The following MCC variants were observed in gnomAD, a reference collection of about 807,000 sequenced individuals.
MCC encodes the protein colorectal mutant cancer protein.
Under a neutral mutation model 116.2 loss-of-function variants are expected in MCC, and 90 were observed. The ratio of observed to expected loss-of-function variants is 0.77; its 90% CI spans 0.65 to 0.92. MCC has a LOEUF of 0.92. Among genes scored for constraint, MCC ranks in the 40% least tolerant of loss-of-function variants. The pLI, the probability that MCC is intolerant of heterozygous loss-of-function variation, is 0.00. For missense variants in MCC, 1,516 were observed against 1,312.2 expected, an observed-to-expected ratio of 1.16 and a Z score of -2.40; for synonymous variants, 578 against 510.5, an observed-to-expected ratio of 1.13 and a Z score of -1.78.
At chr5:113,068,282 C>CCT in intron 12 of MCC, 99 bp from the exon 13 acceptor site, 1 of 823,596 alleles carries the variant, frequency 1.2e-6, no homozygotes, top group Non-Finnish European at 2.0e-6. Context: ...GGTGCTGTCT[C>CCT]GGCCTCACTC....
chr5:113,439,793 T>C (rs1770977317), intron 1 of MCC, among the ~76,000 whole-genome samples: 1 of 152,234 alleles, frequency 6.6e-6, no homozygotes, highest in African/African-American at 2.4e-5. Context: ...TAATGATATA[T>C]AATACTTAGC....
chr5:113,184,496 T>C (rs1321155977), intron 3 of MCC, among the ~76,000 whole-genome samples: 1 of 148,686 alleles, frequency 6.7e-6, no homozygotes, highest in East Asian at 1.9e-4. Context: ...TTTTTTTTTT[T>C]TGGAGACAGA....
At chr5:113,190,842 A>G (rs1473120249) in intron 3 of MCC, among the ~76,000 whole-genome samples, 2 of 152,220 alleles carry the variant, frequency 1.3e-5, no homozygotes, top group East Asian at 3.9e-4. Flanking sequence ...GAGGCAGAGA[A>G]AAATAAATGT....
chr5:113,401,517 T>TGG, intron 1 of MCC, among the ~76,000 whole-genome samples: 1 of 152,198 alleles, frequency 6.6e-6, no homozygotes, highest in East Asian at 1.9e-4. Context: ...CTCTGTCCCT[T>TGG]GGTCCCATTG....
At position 113,488,321 on chromosome 5, in the gene MCC, A is replaced by G; in HGVS notation, c.94T>C (p.Ser32Pro). 6.4e-7 allele frequency: 1 copy of G among 1,558,222 alleles called. No individual in the cohort carries two copies. Among genetic ancestry groups the G allele is most frequent in the Non-Finnish European group, 8.7e-7 (1 of 1,154,800 alleles). The part of the protein sequence containing the change: ...SGSSSSSSDT[S>P]STGEEERMRR... The stretch of plus-strand genomic sequence containing the variant: ...ATCCTCTCCTCCTCGCCGGTGCTGG[A>G]CGTGTCGCTGCTGCTGCTGCTGCTG... Residue 32 changes from serine to proline, a missense_variant, in exon 1 of 19, where the codon TCC becomes CCC. Transcript: ENST00000408903.
At chr5:113,275,402 T>C (rs1208634931) in intron 3 of MCC, among the ~76,000 whole-genome samples, 2 of 152,220 alleles carry the variant, frequency 1.3e-5, no homozygotes, top group African/African-American at 4.8e-5. Context: ...TTTGTCATTA[T>C]TTATAGGAAG....
rs116048363 is a variant in MCC, at chr5:113,447,078, G to A, written c.170+41167C>T. The stretch of plus-strand genomic sequence containing the variant: ...TTTGCAGGTTATCTGCACACGTGTG[G>A]GTTTGGGAGGTAGAGCTGGATGAAA... On this transcript the variant is annotated intron_variant, in intron 1 of 18. Coordinates refer to ENST00000408903, the MANE Select transcript of MCC (RefSeq NM_001085377.2). 6.9e-3 allele frequency among the ~76,000 whole-genome samples: 1,044 copies of A among 152,220 alleles called. 12 individuals are homozygous for A. Among genetic ancestry groups the A allele is most frequent in the African/African-American group, 0.023 (950 of 41,528 alleles).
In MCC at chr5:113,184,892, T is replaced by G. The variant is rs753720736; in HGVS notation, c.628-33470A>C. Among the ~76,000 whole-genome samples the G allele has an allele frequency of 6.6e-4, 101 of 152,186 alleles. 1 individual carries two copies. The highest frequency in any genetic ancestry group is 2.3e-3 in the African/African-American group (94 of 41,434). ...ACCTTAACTTTGTATAAAGTACTCATGACACACACTGTGCAGTGGGAGAAG... is the reference window on the plus strand; with the variant it reads ...ACCTTAACTTTGTATAAAGTACTCAGGACACACACTGTGCAGTGGGAGAAG... On this transcript the variant is annotated intron_variant, in intron 3 of 18. Transcript: ENST00000408903.
At chr5:113,047,237 C>A (rs1167269922) in intron 16 of MCC, among the ~76,000 whole-genome samples, 1 of 152,238 alleles carries the variant, frequency 6.6e-6, no homozygotes, top group African/African-American at 2.4e-5. Flanking sequence ...CATTTGCCCA[C>A]CAGTCTCCTC....
At chr5:113,393,368 A>C (rs1270571927) in intron 1 of MCC, among the ~76,000 whole-genome samples, 1 of 152,184 alleles carries the variant, frequency 6.6e-6, no homozygotes, top group Non-Finnish European at 1.5e-5. Flanking sequence ...CTATAGTTGG[A>C]GGGGAAAATG....
intron 17 of MCC, among the ~76,000 whole-genome samples, chr5:113,030,404 G>C (rs1043641351): frequency 2.6e-5 from 4 of 152,072 alleles, no homozygotes; most frequent in Admixed American, 2.6e-4. Context: ...GAGGGCTGGG[G>C]GCAGTGACTC....
In MCC at chr5:113,060,675, T is replaced by C. The variant is rs369601452; in HGVS notation, c.2213+3309A>G. On this transcript the variant is annotated intron_variant, in intron 14 of 18. Transcript: ENST00000408903. ...TTGAAATCAAGAAGTTAGATCTCAC[T>C]AGAAAAAAAACCATAAAAAGCATTC... is the stretch of plus-strand genomic sequence containing the variant. 2.0e-4 allele frequency among the ~76,000 whole-genome samples: 31 copies of C among 152,296 alleles called. No homozygotes were observed. The South Asian group carries it at 2.3e-3, about 11-fold the overall frequency.
intron 11 of MCC, among the ~76,000 whole-genome samples, chr5:113,081,083 C>T (rs1754828576): frequency 6.6e-6 from 1 of 152,172 alleles, no homozygotes; most frequent in South Asian, 2.1e-4. Flanking sequence ...ACCCCCCCTC[C>T]CCTGCCAATC....
At chr5:113,460,879 T>C (rs750475124) in intron 1 of MCC, among the ~76,000 whole-genome samples, 2 of 152,246 alleles carry the variant, frequency 1.3e-5, no homozygotes, top group African/African-American at 2.4e-5. Context: ...AATTTAACAA[T>C]GTCCCCAAAT....
intron 3 of MCC, among the ~76,000 whole-genome samples, chr5:113,330,079 T>G (rs953313519): frequency 5.3e-5 from 8 of 152,212 alleles, no homozygotes; most frequent in Admixed American, 5.2e-4. Flanking sequence ...AGGAGTATAG[T>G]TTTGTAACAA....
intron 4 of MCC, among the ~76,000 whole-genome samples, chr5:113,150,598 GC>G (rs1369492797): frequency 6.6e-6 from 1 of 151,072 alleles, no homozygotes; most frequent in Non-Finnish European, 1.5e-5. Context: ...AAAAAGAAAG[GC>G]TAAAAACAAC....
chr5:113,138,533 G>T (rs1261701266), intron 5 of MCC, among the ~76,000 whole-genome samples: 1 of 152,160 alleles, frequency 6.6e-6, no homozygotes, highest in Non-Finnish European at 1.5e-5. Context: ...GCCAGGAACA[G>T]AGCCTCAATG....
intron 2 of MCC, among the ~76,000 whole-genome samples, chr5:113,360,195 A>T (rs949983495): frequency 1.6e-4 from 10 of 63,964 alleles, no homozygotes; most frequent in Admixed American, 4.8e-4. Flanking sequence ...CAAGGGGAAT[A>T]AAAAAAAAAA....
At chr5:113,456,091 T>A (rs962012639) in intron 1 of MCC, among the ~76,000 whole-genome samples, 1 of 152,188 alleles carries the variant, frequency 6.6e-6, no homozygotes. Flanking sequence ...ATTAAAATAA[T>A]AAAATAAAAC....
Sources: gnomAD v4.1 joint callset for allele counts (sites outside exome capture counted in the v4.1 genomes callset) on GRCh38, gnomAD v4.1.1 for gene constraint, MANE v1.5 for transcripts, NCBI Gene and HGNC (gene_info 2026-07-23, HGNC 2026-07-21) for gene names.